Variants in CFAP43 observed in about 807,000 individuals in gnomAD.
CFAP43 encodes cilia and flagella associated protein 43, also known as cilia- and flagella-associated protein 43.
Under a neutral mutation model 218.9 loss-of-function variants are expected in CFAP43, and 155 were observed. The observed-to-expected ratio is 0.71, with a 90% CI of 0.62 to 0.81. CFAP43 has a LOEUF of 0.81. Ranked by LOEUF, CFAP43 falls within the 30% of genes least tolerant of loss-of-function variation. The pLI is 0.00. For synonymous variants in CFAP43, 645 were observed against 681.3 expected (o/e 0.95, Z 0.83); for missense variants, 1,778 against 1,954.3 (o/e 0.91, Z 1.70).
intron 22 of CFAP43, among the ~76,000 whole-genome samples, chr10:104,166,994 T>C (rs1173312670): frequency 6.6e-6 from 1 of 152,220 alleles, no homozygotes; most frequent in African/African-American, 2.4e-5. Context: ...TGCTTGTAAA[T>C]ATTTTGAGTC....
rs2087307110 is a variant in CFAP43, at chr10:104,133,737, T to C, written c.4479A>G (p.Val1493=). ...ACTCAATCTGAAGTATTCTTTTGTG[T>C]ACATCTTTACTTTCCATCATGCTAG... ...KVASMMESKD[V]HKRILQIEWE... The change falls in exon 35 of 38, where the codon GTA becomes GTG. Residue 1493 remains valine, a synonymous_variant. Transcript: ENST00000357060. 6.2e-7 allele frequency: 1 copy of C among 1,612,880 alleles called. No individual in the cohort carries two copies. The highest frequency in any genetic ancestry group is 1.1e-5 in the South Asian group (1 of 90,626).
chr10:104,184,982 C>T (rs2089983605), intron 16 of CFAP43, 34 bp downstream of exon 16: 1 of 1,610,374 alleles, frequency 6.2e-7, no homozygotes. Context: ...ACACACTATA[C>T]TACATGGGGT....
intron 35 of CFAP43, chr10:104,132,825 A>G: frequency 4.1e-6 from 4 of 977,842 alleles, no homozygotes; most frequent in Non-Finnish European, 4.9e-6. Flanking sequence ...AGTCCTAGTT[A>G]AAGACACTGA....
rs1410526176 is a variant in CFAP43, at chr10:104,231,910, G to T, written c.65+272C>A. On this transcript the variant is annotated intron_variant, in intron 1 of 37. Coordinates refer to ENST00000357060, the MANE Select transcript of CFAP43 (RefSeq NM_025145.7). ...GAAGGAAGAGATGAAGGGTGCAGGG[G>T]ACGTTGCTGGGTAAGAGACGGAGGG... Among the ~76,000 whole-genome samples the T allele has an allele frequency of 2.6e-5, 4 of 152,130 alleles. No homozygotes were observed. The South Asian group carries it at 8.3e-4, about 32-fold the overall frequency.
chr10:104,221,346 A>T (rs1018487249), intron 3 of CFAP43, among the ~76,000 whole-genome samples: 1 of 152,184 alleles, frequency 6.6e-6, no homozygotes, highest in South Asian at 2.1e-4. Context: ...CACCAAATTT[A>T]TATGTTGAAA....
chr10:104,196,719 T>C lies in CFAP43; in HGVS notation c.1293+134A>G, dbSNP rs886326551. On this transcript the variant is annotated intron_variant, in intron 10 of 37. Transcript: ENST00000357060. ...TATACTTTACACACAAGGATTACTG[T>C]AAATCTAGAAGGCAAAAATGCAGTG... 9.0e-6 allele frequency: 6 copies of C among 669,736 alleles called. No individual in the cohort carries two copies. The East Asian group carries it at 1.8e-4, about 20-fold the overall frequency. The allele number at this position is 669,736 out of a possible 1,614,324, so 41.5% of individuals were successfully genotyped here.
chr10:104,205,593 A>C (rs1406883789), intron 7 of CFAP43, among the ~76,000 whole-genome samples: 1 of 152,238 alleles, frequency 6.6e-6, no homozygotes, highest in African/African-American at 2.4e-5. Flanking sequence ...ACAAGAGTCT[A>C]AGCTGCAGCT....
intron 2 of CFAP43, among the ~76,000 whole-genome samples, chr10:104,226,874 C>T (rs1041060686): frequency 1.1e-4 from 16 of 152,014 alleles, no homozygotes; most frequent in Middle Eastern, 3.4e-3. Flanking sequence ...AAAAATTAGC[C>T]GGGTGTGGTG....
chr10:104,220,147 T>C (rs1378252759), intron 3 of CFAP43, among the ~76,000 whole-genome samples: 2 of 152,140 alleles, frequency 1.3e-5, no homozygotes, highest in Admixed American at 1.3e-4. Flanking sequence ...AGCAGAGATC[T>C]GGGTGATGTG....
Position 104,130,185 on chromosome 10 carries a change from A to G in CFAP43, c.4952T>C (p.Val1651Ala), listed in dbSNP as rs1224329180. ...AEQISILQTE[V>A]ERLRMKTFPA... ...AAATGTTTTCATTCTTAATCTTTCA[A>G]CTTCAGTCTGTAGTATTGAAATCTG... Residue 1651 changes from valine (V) to alanine (A), a missense_variant, in exon 38 of 38, where the codon GTT (valine) becomes GCT (alanine). This residue lies in a region of CFAP43 where 211 missense variants were observed against 230.6 expected (regional missense o/e 0.91). Transcript: ENST00000357060. 8.7e-6 allele frequency: 14 copies of G among 1,607,672 alleles called. No homozygotes were observed. Among genetic ancestry groups the G allele is most frequent in the Non-Finnish European group, 1.2e-5 (14 of 1,178,222 alleles).
chr10:104,145,392 G>A lies in CFAP43; in HGVS notation c.3944+84C>T, dbSNP rs977874626. The stretch of plus-strand genomic sequence containing the variant: ...TACACTGAATAATTCCATTTAATTG[G>A]GAGAAAAAAGCTGAAATCTAGTAAC... On this transcript the variant is annotated intron_variant, in intron 31 of 37. Transcript: ENST00000357060. The A allele has an allele frequency of 1.8e-5, 14 of 792,886 alleles. No individual in the cohort carries two copies. In the African/African-American group the frequency reaches 2.4e-4, roughly 14 times the overall value. The allele number at this position is 792,886 out of a possible 1,614,324, so 49.1% of individuals were successfully genotyped here. A position where few individuals can be genotyped will look rare whatever the true frequency, so the allele number is the denominator to read the frequency against.
At chr10:104,172,683 G>A (rs1184709755) in intron 19 of CFAP43, 148 bp from the exon 20 acceptor site, 1 of 708,244 alleles carries the variant, frequency 1.4e-6, no homozygotes. Context: ...TAGATTATGG[G>A]CTTATTGTGG....
intron 3 of CFAP43, among the ~76,000 whole-genome samples, chr10:104,216,786 C>G (rs1387813931): frequency 2.0e-5 from 3 of 152,034 alleles, no homozygotes; most frequent in African/African-American, 4.8e-5. Context: ...GTAATACGCC[C>G]TCATACTGGC....
chr10:104,226,848 G>A (rs934733847), intron 2 of CFAP43, among the ~76,000 whole-genome samples: 1 of 151,986 alleles, frequency 6.6e-6, no homozygotes, highest in Non-Finnish European at 1.5e-5. Flanking sequence ...GTAAAACCTC[G>A]TCTCTACTAA....
chr10:104,227,219 G>T (rs1397999835), intron 2 of CFAP43, among the ~76,000 whole-genome samples: 1 of 151,996 alleles, frequency 6.6e-6, no homozygotes, highest in Non-Finnish European at 1.5e-5. Context: ...GGAGATGTAG[G>T]TTGCTCCAAC....
intron 27 of CFAP43, among the ~76,000 whole-genome samples, chr10:104,158,602 C>T (rs1357543988): frequency 6.6e-6 from 1 of 152,064 alleles, no homozygotes; most frequent in African/African-American, 2.4e-5. Flanking sequence ...AAGAACATTA[C>T]AAACTAAGTG....
At chr10:104,214,223 C>G (rs584082) in intron 4 of CFAP43, 36 bp downstream of exon 4, 334,816 of 1,521,028 alleles carry the variant, frequency 0.22, 37,918 homozygotes, top group South Asian at 0.23. Context: ...CAAACAAAGA[C>G]CACCATGTTG....
intron 25 of CFAP43, 104 bp downstream of exon 25, chr10:104,162,213 C>T: frequency 7.8e-7 from 1 of 1,289,872 alleles, no homozygotes; most frequent in Non-Finnish European, 1.1e-6. Flanking sequence ...TTCAAGTGAC[C>T]TCTGACCACG....
chr10:104,188,788 G>C (rs1252357540), intron 12 of CFAP43, among the ~76,000 whole-genome samples: 1 of 152,142 alleles, frequency 6.6e-6, no homozygotes, highest in Non-Finnish European at 1.5e-5. Context: ...GTAAACTTAG[G>C]CATCGGCCTT....
Sources: allele counts gnomAD v4.1 joint callset (sites outside exome capture counted in the v4.1 genomes callset), GRCh38; gene constraint gnomAD v4.1.1; regional missense constraint gnomAD v4.1.1; transcripts MANE v1.5; gene names NCBI Gene and HGNC (gene_info 2026-07-23, HGNC 2026-07-21).